The following CCDC171 variants were observed in gnomAD, a reference collection of about 807,000 sequenced individuals.
The protein encoded by CCDC171 is coiled-coil domain-containing protein 171.
A neutral mutation model predicts 168.2 loss-of-function variants in CCDC171; 177 were observed. The observed-to-expected ratio is 1.05, with a 90% CI of 0.93 to 1.19. The LOEUF is 1.19. Among genes scored for constraint, CCDC171 ranks in the 50% most tolerant of loss-of-function variants. The pLI, the probability that CCDC171 is intolerant of heterozygous loss-of-function variation, is 0.00. For synonymous variants in CCDC171, 687 were observed against 540.8 expected (o/e 1.27, Z -3.75); for missense variants, 1,991 against 1,539.0 (o/e 1.29, Z -4.91).
downstream of CCDC171, among the ~76,000 whole-genome samples, chr9:16,064,819 C>A (rs1252174068): frequency 6.6e-6 from 1 of 152,222 alleles, no homozygotes; most frequent in African/African-American, 2.4e-5. Context: ...CGGCCTTCTA[C>A]TTTACGGCTG....
intron 21 of CCDC171, among the ~76,000 whole-genome samples, chr9:15,796,410 T>G (rs1171482543): frequency 6.6e-6 from 1 of 152,042 alleles, no homozygotes; most frequent in South Asian, 2.1e-4. Context: ...AGTAATGAGA[T>G]GACAGAATAA....
At chr9:15,760,528 A>G (rs2135070658) in intron 18 of CCDC171, among the ~76,000 whole-genome samples, 1 of 152,296 alleles carries the variant, frequency 6.6e-6, no homozygotes, top group Middle Eastern at 3.4e-3. Flanking sequence ...CAGTATCCTA[A>G]TCTGTAAAAT....
At chr9:15,677,888 A>ATATATATATG (rs2049722596) in intron 9 of CCDC171, among the ~76,000 whole-genome samples, 1 of 13,962 alleles carries the variant, frequency 7.2e-5, no homozygotes, top group African/African-American at 2.8e-4. Flanking sequence ...TCATATATAT[A>ATATATATATG]TATATATATA....
chr9:15,928,951 A>G (rs1194731988), intron 25 of CCDC171, among the ~76,000 whole-genome samples: 1 of 151,696 alleles, frequency 6.6e-6, no homozygotes, highest in Non-Finnish European at 1.5e-5. Flanking sequence ...ATGCAGTTTA[A>G]GAAGATGCAC....
At chr9:15,665,891 T>A (rs900558292) in intron 8 of CCDC171, among the ~76,000 whole-genome samples, 3 of 152,228 alleles carry the variant, frequency 2.0e-5, no homozygotes, top group Non-Finnish European at 4.4e-5. Flanking sequence ...TATCTACATA[T>A]CTATTTTTCT....
chr9:15,641,860 G>A (rs1389091889), intron 7 of CCDC171, among the ~76,000 whole-genome samples: 1 of 152,186 alleles, frequency 6.6e-6, no homozygotes, highest in Admixed American at 6.5e-5. Context: ...ATAACTTTGT[G>A]TTACATACAG....
At chr9:15,621,540 CTTATGAATAAGGGGA>C (rs1182507749) in intron 6 of CCDC171, among the ~76,000 whole-genome samples, 4 of 152,012 alleles carry the variant, frequency 2.6e-5, no homozygotes, top group Admixed American at 2.0e-4. Flanking sequence ...GAATAGTAAT[CTTATGAATAAGGGGA>C]TTCATAAGAA....
chr9:15,902,241 A>C (rs1821775804), intron 24 of CCDC171, among the ~76,000 whole-genome samples: 1 of 81,402 alleles, frequency 1.2e-5, no homozygotes, highest in South Asian at 5.8e-4. Context: ...AAAGCTATAA[A>C]ATTCATATAT....
chr9:16,002,976 A>C (rs997169781), intron 3 of CCDC171, among the ~76,000 whole-genome samples: 1 of 152,158 alleles, frequency 6.6e-6, no homozygotes, highest in Non-Finnish European at 1.5e-5. Context: ...GTGTCTGTAC[A>C]CTCAACATTT....
At chr9:15,952,633 G>A (rs1023068203) in intron 25 of CCDC171, among the ~76,000 whole-genome samples, 1 of 152,078 alleles carries the variant, frequency 6.6e-6, no homozygotes, top group Non-Finnish European at 1.5e-5. Context: ...CCAACCTCAG[G>A]TGATCCACCT....
intron 6 of CCDC171, among the ~76,000 whole-genome samples, chr9:15,603,901 C>G (rs1387160410): frequency 6.6e-6 from 1 of 152,192 alleles, no homozygotes; most frequent in Non-Finnish European, 1.5e-5. Flanking sequence ...TCACTGCAAC[C>G]TTGCCAGCAT....
At chr9:16,107,525 G>C in the CCDC171 span, among the ~76,000 whole-genome samples, 60 of 151,868 alleles carry the variant, frequency 4.0e-4, no homozygotes, top group African/African-American at 1.4e-3. Flanking sequence ...TTGCTTTACT[G>C]TTCTCTCTCT....
At chr9:15,891,613 G>A (rs1001507543) in intron 24 of CCDC171, among the ~76,000 whole-genome samples, 1 of 152,070 alleles carries the variant, frequency 6.6e-6, no homozygotes, top group Admixed American at 6.6e-5. Context: ...TTTTGAAGGG[G>A]TTAAATAGGC....
chr9:15,784,754 G>C (rs1173887003), intron 21 of CCDC171, 60 bp downstream of exon 21: 6 of 1,277,428 alleles, frequency 4.7e-6, no homozygotes, highest in Non-Finnish European at 6.6e-6. Flanking sequence ...GGATCTTAGA[G>C]GGAATTATGA....
In CCDC171 at chr9:15,895,724, C is replaced by G. The variant is rs113349357; in HGVS notation, c.3600+21061C>G. 5.5e-3 allele frequency among the ~76,000 whole-genome samples: 839 copies of G among 152,174 alleles called. 2 individuals are homozygous for G. The highest frequency in any genetic ancestry group is 9.4e-3 in the Non-Finnish European group (636 of 67,980). The stretch of plus-strand genomic sequence containing the variant: ...CTTCTTCTTGTTTTCCTATGGCCCA[C>G]AATTCTGCTTTAGTCACTAACCAAG... On this transcript the variant is annotated intron_variant, in intron 24 of 25. Coordinates refer to ENST00000380701, the MANE Select transcript of CCDC171 (RefSeq NM_173550.4).
chr9:16,090,928 C>T, the CCDC171 span, among the ~76,000 whole-genome samples: 2 of 152,176 alleles, frequency 1.3e-5, no homozygotes, highest in East Asian at 3.8e-4. Context: ...AGACATGTGT[C>T]CTGGTTCTTA....
At chr9:15,721,740 G>T (rs756897666) in intron 11 of CCDC171, 29 bp from the exon 12 acceptor site, 3 of 1,327,834 alleles carry the variant, frequency 2.3e-6, no homozygotes, top group Non-Finnish European at 3.1e-6. Flanking sequence ...GACTTTAAGG[G>T]TATATTTTCA....
At chr9:15,915,250 A>G (rs1824329629) in intron 24 of CCDC171, among the ~76,000 whole-genome samples, 1 of 152,080 alleles carries the variant, frequency 6.6e-6, no homozygotes, top group Non-Finnish European at 1.5e-5. Context: ...AATCCTTCCA[A>G]TTCATGATCA....
intron 6 of CCDC171, among the ~76,000 whole-genome samples, chr9:16,029,611 A>C (rs1222783416): frequency 6.6e-6 from 1 of 152,224 alleles, no homozygotes; most frequent in Non-Finnish European, 1.5e-5. Context: ...CCTATGCCTG[A>C]AAGGAGGCTA....
Sources: gnomAD v4.1 joint callset for allele counts (sites outside exome capture counted in the v4.1 genomes callset) on GRCh38, gnomAD v4.1.1 for gene constraint, MANE v1.5 for transcripts, NCBI Gene and HGNC (gene_info 2026-07-23, HGNC 2026-07-21) for gene names.